Variants in PLCH1 observed in about 807,000 individuals in gnomAD.
PLCH1 encodes the protein phospholipase C eta 1.
A neutral mutation model predicts 126.7 loss-of-function variants in PLCH1; 60 were observed. The observed-to-expected ratio is 0.47, with a 90% confidence interval of 0.38 to 0.59. The LOEUF (loss-of-function observed/expected upper bound fraction) is 0.59. Ranked by LOEUF, PLCH1 falls within the 20% of genes least tolerant of loss-of-function variation. The pLI, the probability that PLCH1 is intolerant of heterozygous loss-of-function variation, is 0.00. For synonymous variants in PLCH1, 719 were observed against 734.9 expected (o/e 0.98, Z 0.35); for missense variants, 1,723 against 2,040.0 (o/e 0.84, Z 2.99).
intron 11 of PLCH1, among the ~76,000 whole-genome samples, chr3:155,519,155 C>A (rs1702447775): frequency 6.6e-6 from 1 of 152,174 alleles, no homozygotes; most frequent in Admixed American, 6.5e-5. Context: ...TCCAATAGCA[C>A]TACTGAAAGG....
intron 2 of PLCH1, among the ~76,000 whole-genome samples, chr3:155,690,397 T>A (rs934963022): frequency 1.3e-5 from 2 of 152,356 alleles, no homozygotes; most frequent in Admixed American, 6.5e-5. Context: ...TCTAGCATAA[T>A]GTTTGCAAAA....
In PLCH1 at chr3:155,488,774, A is replaced by G. The variant is rs1715713847; in HGVS notation, c.2425T>C (p.Phe809Leu). 2 of 1,613,330 alleles carry G rather than the reference A, an allele frequency of 1.2e-6. No individual in the cohort carries two copies. Among genetic ancestry groups the G allele is most frequent in the Non-Finnish European group, 1.7e-6 (2 of 1,179,718 alleles). ...FNPVWEETLTFTVHMPEIALV... is the reference protein window; with the variant it reads ...FNPVWEETLTLTVHMPEIALV... ...GCTATTTCTGGCATGTGTACTGTAA[A>G]TGTCAGTGTTTCTTCCCACACAGGG... Residue 809 changes from phenylalanine (F) to leucine (L), a missense_variant, in exon 20 of 23, where the codon TTT becomes CTT. By Grantham distance (22) the Phe-to-Leu change is conservative. Transcript: ENST00000460012.
intron 21 of PLCH1, among the ~76,000 whole-genome samples, chr3:155,458,367 GAAGAAAGA>G (rs1471667031): frequency 8.6e-6 from 1 of 115,936 alleles, no homozygotes; most frequent in Non-Finnish European, 1.7e-5. Context: ...AAGAAAGAAA[GAAGAAAGA>G]AAGAAAGAAA....
At chr3:155,607,571 G>A (rs546379727) in intron 2 of PLCH1, among the ~76,000 whole-genome samples, 12 of 151,910 alleles carry the variant, frequency 7.9e-5, no homozygotes, top group Non-Finnish European at 1.0e-4. Flanking sequence ...CCTTCTGAGT[G>A]CTGGGAGTAG....
At chr3:155,657,248 C>T (rs1741510151) in intron 2 of PLCH1, among the ~76,000 whole-genome samples, 2 of 152,152 alleles carry the variant, frequency 1.3e-5, no homozygotes, top group Admixed American at 1.3e-4. Flanking sequence ...CTCTGAGAGA[C>T]AGGAACCAAA....
chr3:155,553,669 A>G (rs1726427714), intron 9 of PLCH1, among the ~76,000 whole-genome samples: 1 of 152,204 alleles, frequency 6.6e-6, no homozygotes, highest in Admixed American at 6.5e-5. Context: ...TCAAATGACA[A>G]GGAGAGGGTC....
At chr3:155,726,130 A>T (rs1427900762) in intron 1 of PLCH1, among the ~76,000 whole-genome samples, 2 of 152,236 alleles carry the variant, frequency 1.3e-5, no homozygotes, top group African/African-American at 4.8e-5. Context: ...CCCACTGAAT[A>T]TATCATTATT....
chr3:155,626,636 G>A (rs1482966121), intron 2 of PLCH1, among the ~76,000 whole-genome samples: 1 of 151,840 alleles, frequency 6.6e-6, no homozygotes, highest in Admixed American at 6.6e-5. Context: ...GGGCGTGGTG[G>A]TGGGCGCCTG....
At chr3:155,604,114 TAA>T (rs904561981) in intron 2 of PLCH1, among the ~76,000 whole-genome samples, 1 of 151,940 alleles carries the variant, frequency 6.6e-6, no homozygotes, top group African/African-American at 2.4e-5. Context: ...AATCAATCAA[TAA>T]AATATTAAGT....
intron 2 of PLCH1, among the ~76,000 whole-genome samples, chr3:155,623,135 A>C (rs2108779225): frequency 6.6e-6 from 1 of 152,082 alleles, no homozygotes; most frequent in African/African-American, 2.4e-5. Context: ...AACTACATGG[A>C]AACTGAATCC....
intron 8 of PLCH1, among the ~76,000 whole-genome samples, chr3:155,554,545 ACTT>A (rs10588794): frequency 0.57 from 85,729 of 151,168 alleles, 26,957 homozygotes; most frequent in Middle Eastern, 0.74. Flanking sequence ...ACCCAATTTC[ACTT>A]CTTCTTCTTC....
chr3:155,500,121 T>G (rs1361082549), intron 14 of PLCH1, among the ~76,000 whole-genome samples: 1 of 152,222 alleles, frequency 6.6e-6, no homozygotes, highest in Non-Finnish European at 1.5e-5. Context: ...TGTCACGATT[T>G]GGATTCTGAA....
At chr3:155,497,251 A>G (rs1361476172) in intron 15 of PLCH1, 69 bp downstream of exon 15, 6 of 1,134,406 alleles carry the variant, frequency 5.3e-6, no homozygotes, top group Non-Finnish European at 6.6e-6. Context: ...ACAAAAATTC[A>G]TTAACAATTG....
chr3:155,630,198 C>A (rs1737865349), intron 2 of PLCH1, among the ~76,000 whole-genome samples: 1 of 152,196 alleles, frequency 6.6e-6, no homozygotes, highest in Non-Finnish European at 1.5e-5. Context: ...ATCCCCAACT[C>A]TTGTTGGTTG....
intron 2 of PLCH1, among the ~76,000 whole-genome samples, chr3:155,701,154 G>A (rs1746242596): frequency 6.6e-6 from 1 of 152,164 alleles, no homozygotes; most frequent in Non-Finnish European, 1.5e-5. Context: ...CCTCTGAAAT[G>A]TGAAGATGAA....
intron 11 of PLCH1, among the ~76,000 whole-genome samples, chr3:155,518,170 G>T (rs73154239): frequency 0.089 from 13,515 of 152,166 alleles, 656 homozygotes; most frequent in African/African-American, 0.11. Flanking sequence ...CTTACAAATT[G>T]TTTATTATAG....
intron 2 of PLCH1, among the ~76,000 whole-genome samples, chr3:155,607,618 T>C (rs972171781): frequency 1.3e-5 from 2 of 152,152 alleles, no homozygotes; most frequent in Non-Finnish European, 2.9e-5. Flanking sequence ...TTTTTGTATT[T>C]TTTCATAAAA....
At chr3:155,541,024 G>A (rs1724156212) in intron 10 of PLCH1, among the ~76,000 whole-genome samples, 1 of 151,930 alleles carries the variant, frequency 6.6e-6, no homozygotes, top group Non-Finnish European at 1.5e-5. Context: ...AAGAAAATGT[G>A]GTATACATAT....
chr3:155,657,470 A>T (rs1168396871), intron 2 of PLCH1, among the ~76,000 whole-genome samples: 2 of 152,206 alleles, frequency 1.3e-5, no homozygotes, highest in Non-Finnish European at 1.5e-5. Flanking sequence ...ATAGATGCGG[A>T]CTCTAGCATT....
Sources: gnomAD v4.1 joint callset for allele counts (sites outside exome capture counted in the v4.1 genomes callset) on GRCh38, gnomAD v4.1.1 for gene constraint, MANE v1.5 for transcripts, NCBI Gene and HGNC (gene_info 2026-07-23, HGNC 2026-07-21) for gene names.